Variants in PARD3 observed in about 807,000 individuals in gnomAD.
The protein encoded by PARD3 is partitioning defective 3 homolog.
Under a neutral mutation model 155.4 loss-of-function variants are expected in PARD3, and 75 were observed. That is an observed-to-expected ratio of 0.48 (90% CI 0.40 to 0.58). The LOEUF (loss-of-function observed/expected upper bound fraction) is 0.58. Ranked by LOEUF, PARD3 falls within the 20% of genes least tolerant of loss-of-function variation. PARD3 has a pLI of 0.00. For missense variants in PARD3, 1,642 were observed against 1,721.7 expected, an observed-to-expected ratio of 0.95 and a Z score of 0.82; for synonymous variants, 576 against 610.5, an observed-to-expected ratio of 0.94 and a Z score of 0.83.
At chr10:34,433,477 A>T (rs1424074020) in intron 5 of PARD3, among the ~76,000 whole-genome samples, 1 of 152,202 alleles carries the variant, frequency 6.6e-6, no homozygotes, top group Non-Finnish European at 1.5e-5. Flanking sequence ...TTAATACCAA[A>T]GTCTCAGCCA....
At chr10:34,141,230 TATC>T (rs974155311) in intron 22 of PARD3, among the ~76,000 whole-genome samples, 30 of 152,294 alleles carry the variant, frequency 2.0e-4, no homozygotes, top group African/African-American at 6.3e-4. Flanking sequence ...ACTTAGGAAA[TATC>T]ATGTCATTTT....
chr10:34,628,273 G>A (rs1297896550), intron 2 of PARD3, among the ~76,000 whole-genome samples: 1 of 152,180 alleles, frequency 6.6e-6, no homozygotes, highest in Admixed American at 6.5e-5. Flanking sequence ...ACTCTGCTGT[G>A]TCTTTACTAC....
intron 2 of PARD3, among the ~76,000 whole-genome samples, chr10:34,528,733 G>GTCATTAAACT (rs2082640099): frequency 6.6e-6 from 1 of 152,070 alleles, no homozygotes; most frequent in East Asian, 1.9e-4. Flanking sequence ...AAAACTGCGG[G>GTCATTAAACT]GTGTCATTAA....
chr10:34,263,467 G>C (rs1345483348), intron 22 of PARD3, among the ~76,000 whole-genome samples: 3 of 151,936 alleles, frequency 2.0e-5, no homozygotes, highest in Non-Finnish European at 4.4e-5. Context: ...GACCAGCCTG[G>C]GCAACATAGT....
At position 34,627,511 on chromosome 10, in the gene PARD3, G is replaced by T. The variant is rs146215977; in HGVS notation, c.222+68807C>A. ...GATGACTAACGTCCTTATAAAAAGG[G>T]GAAGTGTGAACACAGAGGCAGACAA... On this transcript the variant is annotated intron_variant, in intron 2 of 24. Coordinates refer to ENST00000374788, the MANE Select transcript of PARD3 (RefSeq NM_001184785.2). Among the ~76,000 whole-genome samples the T allele has an allele frequency of 1.2e-4, 19 of 152,276 alleles. No individual in the cohort carries two copies. The East Asian group carries it at 3.5e-3, about 28-fold the overall frequency.
intron 20 of PARD3, among the ~76,000 whole-genome samples, chr10:34,306,717 G>C (rs1014721192): frequency 3.9e-5 from 6 of 152,090 alleles, no homozygotes; most frequent in Non-Finnish European, 8.8e-5. Context: ...CTGCTCTTTG[G>C]GGACTGTGTG....
intron 3 of PARD3, among the ~76,000 whole-genome samples, chr10:34,499,832 G>A (rs902649933): frequency 2.6e-5 from 4 of 152,150 alleles, no homozygotes; most frequent in African/African-American, 9.7e-5. Flanking sequence ...AGATGCCTGA[G>A]AATGCTCCAG....
At chr10:34,629,965 A>G (rs905096579) in intron 2 of PARD3, among the ~76,000 whole-genome samples, 10 of 152,200 alleles carry the variant, frequency 6.6e-5, no homozygotes, top group African/African-American at 2.4e-4. Flanking sequence ...CAAAACACAC[A>G]AAGAATACAT....
chr10:34,256,352 G>A (rs888084753), intron 22 of PARD3, among the ~76,000 whole-genome samples: 7 of 152,174 alleles, frequency 4.6e-5, no homozygotes, highest in African/African-American at 7.2e-5. Context: ...CTGCTCTGTC[G>A]TTTGCTCCAC....
At chr10:34,245,566 A>C (rs1482695688) in intron 22 of PARD3, among the ~76,000 whole-genome samples, 1 of 144,444 alleles carries the variant, frequency 6.9e-6, no homozygotes, top group South Asian at 2.3e-4. Context: ...ACAAGGGGTA[A>C]TACATCCCTG....
intron 2 of PARD3, among the ~76,000 whole-genome samples, chr10:34,691,663 G>A (rs1283952247): frequency 1.3e-5 from 2 of 152,274 alleles, no homozygotes; most frequent in South Asian, 2.1e-4. Context: ...AACAAAGCTG[G>A]AGGCATCACA....
At chr10:34,183,140 G>GT (rs1474233464) in intron 22 of PARD3, among the ~76,000 whole-genome samples, 19 of 152,330 alleles carry the variant, frequency 1.2e-4, no homozygotes, top group Admixed American at 1.1e-3. Context: ...AAATAAAGCA[G>GT]TGACTGAGTG....
intron 2 of PARD3, among the ~76,000 whole-genome samples, chr10:34,602,082 G>T (rs1316077678): frequency 6.6e-6 from 1 of 152,078 alleles, no homozygotes; most frequent in Admixed American, 6.6e-5. Flanking sequence ...AAGCAACAAA[G>T]ATATTGACAA....
At chr10:34,359,367 A>T in intron 13 of PARD3, 50 bp from the exon 14 acceptor site, 1 of 1,345,438 alleles carries the variant, frequency 7.4e-7, no homozygotes, top group Non-Finnish European at 1.0e-6. Context: ...ACTGCTATAA[A>T]AGAAGTAGCT....
intron 1 of PARD3, among the ~76,000 whole-genome samples, chr10:34,730,461 T>TA (rs915459539): frequency 6.6e-6 from 1 of 152,094 alleles, no homozygotes; most frequent in Admixed American, 6.5e-5. Flanking sequence ...AATCAATTTT[T>TA]AAAAAAACAA....
chr10:34,249,665 A>G (rs1954172909), intron 22 of PARD3, among the ~76,000 whole-genome samples: 3 of 152,196 alleles, frequency 2.0e-5, no homozygotes, highest in South Asian at 4.1e-4. Context: ...AGTTCCAACC[A>G]TATGTCCCCC....
intron 15 of PARD3, chr10:34,345,325 A>C: frequency 1.0e-6 from 1 of 985,408 alleles, no homozygotes; most frequent in African/African-American, 1.7e-5. Context: ...TGCATCACAA[A>C]GCCTCAAAGC....
chr10:34,510,474 G>T (rs940659020), intron 3 of PARD3, among the ~76,000 whole-genome samples: 1 of 152,038 alleles, frequency 6.6e-6, no homozygotes, highest in African/African-American at 2.4e-5. Flanking sequence ...GTGCTATTTT[G>T]ATCTATTATA....
intron 12 of PARD3, among the ~76,000 whole-genome samples, chr10:34,364,573 C>CTT (rs1275932444): frequency 1.3e-5 from 2 of 151,898 alleles, no homozygotes; most frequent in African/African-American, 4.8e-5. Context: ...TAGCTGGGAC[C>CTT]CCAGGCACAC....
Sources: allele counts gnomAD v4.1 joint callset (sites outside exome capture counted in the v4.1 genomes callset), GRCh38; gene constraint gnomAD v4.1.1; transcripts MANE v1.5; gene names NCBI Gene and HGNC (gene_info 2026-07-23, HGNC 2026-07-21).